Variants in ATRNL1 observed in about 807,000 individuals in gnomAD.
ATRNL1 encodes attractin like 1, also known as attractin-like protein 1.
ATRNL1 carries 95 observed loss-of-function variants against 182.7 expected under a neutral mutation model. That is an observed-to-expected ratio of 0.52 (90% CI 0.44 to 0.62). The LOEUF (loss-of-function observed/expected upper bound fraction) is 0.62, where lower values mean the gene tolerates loss of function less well. Among genes scored for constraint, ATRNL1 ranks in the 20% least tolerant of loss-of-function variants. The pLI is 0.00. For synonymous variants in ATRNL1, 576 were observed against 568.3 expected (o/e 1.01, Z -0.19); for missense variants, 1,471 against 1,679.5 (o/e 0.88, Z 2.17).
At chr10:115,264,961 A>G (rs1018431406) in intron 10 of ATRNL1, among the ~76,000 whole-genome samples, 21 of 151,714 alleles carry the variant, frequency 1.4e-4, no homozygotes, top group African/African-American at 5.1e-4. Context: ...TCTTGTTCTC[A>G]TATGCTTAAA....
chr10:115,559,443 T>TATGCGCGC (rs782381060), intron 26 of ATRNL1, among the ~76,000 whole-genome samples: 2 of 77,788 alleles, frequency 2.6e-5, no homozygotes, highest in African/African-American at 5.0e-5. Flanking sequence ...TGTGTGTGTG[T>TATGCGCGC]GCGCGCGCGC....
At chr10:115,521,231 G>A (rs1850917473) in intron 25 of ATRNL1, among the ~76,000 whole-genome samples, 1 of 151,962 alleles carries the variant, frequency 6.6e-6, no homozygotes, top group South Asian at 2.1e-4. Flanking sequence ...TCGGCTCACT[G>A]CAACCTTCAC....
At chr10:115,532,904 G>A (rs2133753434) in intron 25 of ATRNL1, among the ~76,000 whole-genome samples, 1 of 151,828 alleles carries the variant, frequency 6.6e-6, no homozygotes, top group East Asian at 1.9e-4. Flanking sequence ...CTGTTTATAT[G>A]CTGGATTACA....
intron 20 of ATRNL1, among the ~76,000 whole-genome samples, chr10:115,403,108 C>T (rs1347696422): frequency 2.6e-5 from 4 of 151,954 alleles, no homozygotes; most frequent in African/African-American, 9.7e-5. Context: ...TGTGAAATTG[C>T]CTTAATGATG....
chr10:115,144,900 G>A (rs1419189861), intron 5 of ATRNL1, among the ~76,000 whole-genome samples: 1 of 100,804 alleles, frequency 9.9e-6, no homozygotes, highest in African/African-American at 4.5e-5. Context: ...ATGAGGTTCA[G>A]TACATTTTAT....
intron 26 of ATRNL1, among the ~76,000 whole-genome samples, chr10:115,630,560 C>T (rs1858418181): frequency 6.6e-6 from 1 of 151,446 alleles, no homozygotes; most frequent in East Asian, 1.9e-4. Context: ...CATCTGCACT[C>T]CCATTACAGC....
chr10:115,669,242 CT>C (rs1945615872), intron 26 of ATRNL1, among the ~76,000 whole-genome samples: 1 of 151,948 alleles, frequency 6.6e-6, no homozygotes, highest in African/African-American at 2.4e-5. Context: ...TGAATTTTTA[CT>C]TTTTTGCTCA....
intron 28 of ATRNL1, among the ~76,000 whole-genome samples, chr10:115,863,558 A>G (rs1482703621): frequency 6.6e-6 from 1 of 152,196 alleles, no homozygotes; most frequent in Non-Finnish European, 1.5e-5. Context: ...TGAGAAGACT[A>G]GAATGAACCC....
chr10:115,903,921 C>T (rs1952428083), intron 28 of ATRNL1, among the ~76,000 whole-genome samples: 1 of 152,072 alleles, frequency 6.6e-6, no homozygotes, highest in Non-Finnish European at 1.5e-5. Context: ...AGTTCAGGAC[C>T]TCTGAGAAGC....
intron 26 of ATRNL1, among the ~76,000 whole-genome samples, chr10:115,563,646 C>A: frequency 6.6e-6 from 1 of 152,156 alleles, no homozygotes; most frequent in East Asian, 1.9e-4. Context: ...AGTTATAATG[C>A]TTTATTAATT....
Position 115,274,000 on chromosome 10 carries a change from G to A in ATRNL1, c.2100+5556G>A, listed in dbSNP as rs145209280. Among the ~76,000 whole-genome samples, 758 of 152,304 alleles carry A rather than the reference G, an allele frequency of 5.0e-3. 5 individuals carry two copies. The highest frequency in any genetic ancestry group is 0.016 in the African/African-American group (669 of 41,580). ...TTGGTGACCCATGGTTAAACATTCA[G>A]TTTCTATTAAGGCCCAGTAGCAGAC... On this transcript the variant is annotated intron_variant, in intron 13 of 28. Coordinates refer to ENST00000355044, the MANE Select transcript of ATRNL1 (RefSeq NM_207303.4).
intron 26 of ATRNL1, among the ~76,000 whole-genome samples, chr10:115,558,673 G>T (rs1345301122): frequency 6.6e-6 from 1 of 152,154 alleles, no homozygotes. Flanking sequence ...GCTTTGGGAA[G>T]TCAGCATGAA....
intron 28 of ATRNL1, among the ~76,000 whole-genome samples, chr10:115,902,384 C>T (rs1442037148): frequency 6.6e-6 from 1 of 152,056 alleles, no homozygotes; most frequent in African/African-American, 2.4e-5. Context: ...TTAAAAGCCG[C>T]ATAGTGTGGA....
At chr10:115,792,263 G>A (rs1949547432) in intron 27 of ATRNL1, among the ~76,000 whole-genome samples, 1 of 152,044 alleles carries the variant, frequency 6.6e-6, no homozygotes, top group South Asian at 2.1e-4. Context: ...AGAATTTTCA[G>A]TGGAACAATG....
chr10:115,727,466 G>A, intron 27 of ATRNL1, 111 bp downstream of exon 27: 1 of 796,652 alleles, frequency 1.3e-6, no homozygotes, highest in South Asian at 1.7e-5. Flanking sequence ...ATCTACAGTT[G>A]ACAAGATTCA....
intron 8 of ATRNL1, 73 bp downstream of exon 8, chr10:115,171,365 A>G (rs968940852): frequency 7.4e-7 from 1 of 1,349,276 alleles, no homozygotes; most frequent in Non-Finnish European, 1.0e-6. Flanking sequence ...CTTCATATGA[A>G]TTTAGTCAAA....
intron 26 of ATRNL1, among the ~76,000 whole-genome samples, chr10:115,611,163 G>A (rs2245390): frequency 0.97 from 147,340 of 152,020 alleles, 71,601 homozygotes; most frequent in East Asian, 1. Context: ...TTAATTGCCC[G>A]TGAAATTGAG....
In ATRNL1 at chr10:115,562,654, T is replaced by G. The variant is rs544993103; in HGVS notation, c.3795+13118T>G. ...TGATAGTGAGTTAGTTCTCTTGAGA[T>G]CAGATGGTTTTATAAGGGGATTCCC... is the stretch of plus-strand genomic sequence containing the variant. On this transcript the variant is annotated intron_variant, in intron 26 of 28. Coordinates refer to ENST00000355044, the MANE Select transcript of ATRNL1 (RefSeq NM_207303.4). Among the ~76,000 whole-genome samples, 208 of 152,230 alleles carry G rather than the reference T, an allele frequency of 1.4e-3. 1 individual carries two copies. Among genetic ancestry groups the G allele is most frequent in the Non-Finnish European group, 2.5e-3 (172 of 68,012 alleles).
chr10:115,242,181 A>G (rs1850451114), intron 10 of ATRNL1, among the ~76,000 whole-genome samples: 2 of 152,018 alleles, frequency 1.3e-5, no homozygotes, highest in African/African-American at 4.8e-5. Context: ...AATCTGATAG[A>G]ACTAGAGAAA....
Sources: allele counts gnomAD v4.1 joint callset (sites outside exome capture counted in the v4.1 genomes callset), GRCh38; gene constraint gnomAD v4.1.1; transcripts MANE v1.5; gene names NCBI Gene and HGNC (gene_info 2026-07-23, HGNC 2026-07-21).